PIR: variants seen among roughly 807,000 people sequenced by gnomAD.
PIR encodes the protein pirin (iron-binding nuclear protein).
A neutral mutation model predicts 24.2 loss-of-function variants in PIR; 22 were observed. The ratio of observed to expected loss-of-function variants is 0.91; its 90% CI spans 0.65 to 1.30. PIR has a LOEUF of 1.30. Ranked by LOEUF, PIR falls within the 50% of genes most tolerant of loss-of-function variation. The pLI is 0.00. For synonymous variants in PIR, 80 were observed against 79.6 expected, an observed-to-expected ratio of 1.00 and a Z score of -0.03; for missense variants, 220 against 220.3, an observed-to-expected ratio of 1.00 and a Z score of 0.01.
chrX:15,423,780 C>T (rs1925214313), intron 6 of PIR, among the ~76,000 whole-genome samples: 1 of 111,997 alleles, frequency 8.9e-6, no homozygotes, highest in East Asian at 2.8e-4. Flanking sequence ...AGACATTTCT[C>T]AAAAGAAGAC....
At chrX:15,398,468 C>T (rs4830531) in intron 7 of PIR, among the ~76,000 whole-genome samples, 54,227 of 109,181 alleles carry the variant, frequency 0.5, 10,187 homozygotes, top group Non-Finnish European at 0.58. Flanking sequence ...TTGAACAGAG[C>T]TCTGTAGGAT....
At chrX:15,400,989 G>T (rs771245480) in intron 7 of PIR, among the ~76,000 whole-genome samples, 1 of 109,527 alleles carries the variant, frequency 9.1e-6, no homozygotes, top group Admixed American at 9.8e-5. Flanking sequence ...CTGCCCCCTC[G>T]ATCTCCCAAA....
At chrX:15,455,821 TTAAA>T in intron 5 of PIR, 23 bp downstream of exon 5, 4 of 1,153,528 alleles carry the variant, frequency 3.5e-6, no homozygotes, top group Non-Finnish European at 2.4e-6. Context: ...ATGCCTCAGG[TTAAA>T]TAGACACAAT....
chrX:15,433,691 G>A (rs1925609941), intron 5 of PIR, among the ~76,000 whole-genome samples: 1 of 75,589 alleles, frequency 1.3e-5, no homozygotes, highest in Non-Finnish European at 2.6e-5. Context: ...GAGAAAGAAG[G>A]AGGAGGAGGA....
At chrX:15,429,964 T>C (rs939832615) in intron 5 of PIR, 12 of 112,158 alleles carry the variant, frequency 1.1e-4, no homozygotes, top group African/African-American at 3.9e-4. Flanking sequence ...TAAAGAAATC[T>C]TCCTATTAGG....
intron 9 of PIR, among the ~76,000 whole-genome samples, chrX:15,387,073 CTTTTTTTTTTTTTTT>C (rs764572854): frequency 1.1e-3 from 14 of 12,711 alleles, no homozygotes; most frequent in Admixed American, 2.9e-3. Flanking sequence ...CTTTTCTTTT[CTTTTTTTTTTTTTTT>C]TTTTTTTTTT....
chrX:15,387,836 T>C (rs1189917544), intron 9 of PIR, among the ~76,000 whole-genome samples: 1 of 111,646 alleles, frequency 9.0e-6, no homozygotes. Flanking sequence ...AACGTGCACA[T>C]GAATCAGCTG....
At chrX:15,387,159 G>T (rs1002001494) in intron 9 of PIR, among the ~76,000 whole-genome samples, 1 of 90,433 alleles carries the variant, frequency 1.1e-5, no homozygotes, top group Non-Finnish European at 2.1e-5. Context: ...TGAGTGGTGC[G>T]ATCTTGGCTC....
chrX:15,422,093 C>T (rs1332714025), intron 6 of PIR, among the ~76,000 whole-genome samples: 2 of 110,932 alleles, frequency 1.8e-5, no homozygotes, highest in Non-Finnish European at 3.8e-5. Flanking sequence ...CAATAAAATT[C>T]AACATCTCTT....
At chrX:15,412,924 A>G (rs1924791234) in intron 6 of PIR, among the ~76,000 whole-genome samples, 1 of 112,208 alleles carries the variant, frequency 8.9e-6, no homozygotes, top group South Asian at 3.7e-4. Context: ...ATCTAGGACC[A>G]GACTCTTCAT....
At chrX:15,396,900 C>T (rs1222955833) in intron 8 of PIR, among the ~76,000 whole-genome samples, 1 of 111,351 alleles carries the variant, frequency 9.0e-6, no homozygotes, top group African/African-American at 3.3e-5. Flanking sequence ...GCCACCATGT[C>T]CGGCTAATTT....
intron 1 of PIR, 49 bp from the exon 2 acceptor site, chrX:15,491,358 C>T: frequency 2.0e-6 from 1 of 502,585 alleles, no homozygotes; most frequent in East Asian, 3.5e-5. Flanking sequence ...GAGGGAACAT[C>T]CAAGGACTAC....
intron 6 of PIR, among the ~76,000 whole-genome samples, chrX:15,421,352 G>A (rs909817799): frequency 1.8e-5 from 2 of 111,550 alleles, no homozygotes; most frequent in Non-Finnish European, 3.8e-5. Flanking sequence ...TCAATGAAGT[G>A]ACAAGTTGGT....
chrX:15,450,902 T>C (rs1462782370), intron 5 of PIR, among the ~76,000 whole-genome samples: 1 of 111,528 alleles, frequency 9.0e-6, no homozygotes, highest in Non-Finnish European at 1.9e-5. Flanking sequence ...ACCTGGAAAA[T>C]GTGGGCAGCT....
At chrX:15,475,197 G>A (rs150033945) in intron 3 of PIR, among the ~76,000 whole-genome samples, 2,476 of 110,637 alleles carry the variant, frequency 0.022, 70 homozygotes, top group African/African-American at 0.077. Flanking sequence ...TCCTCTCCTG[G>A]GTATTGTTCA....
At chrX:15,438,238 T>C (rs1275103662) in intron 5 of PIR, among the ~76,000 whole-genome samples, 1 of 112,487 alleles carries the variant, frequency 8.9e-6, no homozygotes, top group African/African-American at 3.2e-5. Flanking sequence ...AGGTCAGGGA[T>C]CATTCATGAA....
intron 8 of PIR, among the ~76,000 whole-genome samples, chrX:15,393,830 T>A (rs1244655598): frequency 2.8e-5 from 3 of 105,626 alleles, no homozygotes; most frequent in African/African-American, 1.0e-4. Context: ...TCTGTCACTG[T>A]CTCCCATCAA....
chrX:15,477,388 T>C (rs934874146), intron 3 of PIR, among the ~76,000 whole-genome samples: 10 of 111,908 alleles, frequency 8.9e-5, no homozygotes, highest in African/African-American at 3.2e-4. Flanking sequence ...AAATACAGGA[T>C]TGTGTTCCTG....
At chrX:15,485,684 T>C (rs1161539999) in intron 2 of PIR, among the ~76,000 whole-genome samples, 1 of 112,127 alleles carries the variant, frequency 8.9e-6, no homozygotes, top group East Asian at 2.8e-4. Flanking sequence ...AAATTGGTGA[T>C]ATGTGTAAGA....
Sources: allele counts gnomAD v4.1 joint callset (sites outside exome capture counted in the v4.1 genomes callset), GRCh38; gene constraint gnomAD v4.1.1; transcripts MANE v1.5; gene names NCBI Gene and HGNC (gene_info 2026-07-23, HGNC 2026-07-21).